The following ZNF133 variants were observed in gnomAD, a reference collection of about 807,000 sequenced individuals.
ZNF133 encodes zinc finger protein 133.
ZNF133 carries 26 observed loss-of-function variants against 54.9 expected under a neutral mutation model. The observed-to-expected ratio is 0.47, with a 90% CI of 0.35 to 0.66. The LOEUF (loss-of-function observed/expected upper bound fraction) is 0.66. ZNF133 is among the 30% of genes least tolerant of loss of function. The pLI is 0.01. For missense variants in ZNF133, 653 were observed against 820.8 expected (o/e 0.80, Z 2.50); for synonymous variants, 298 against 320.3 (o/e 0.93, Z 0.74).
chr20:18,305,775 T>C lies in ZNF133; in HGVS notation c.89T>C (p.Met30Thr). Residue 30 changes from methionine to threonine, a missense_variant, in exon 5 of 7, where the codon ATG becomes ACG. This residue lies in a region of ZNF133 where 227 missense variants were observed against 233.9 expected (regional missense o/e 0.97). Coordinates refer to ENST00000425686, the MANE Select transcript of ZNF133 (RefSeq NM_001352452.2). The surrounding 1 kb of genome is among the most constrained non-coding windows in gnomAD (Gnocchi z 4.7). Reference protein sequence around the residue: ...PAQRTLYREVMLENYSNLVSL... With the variant: ...PAQRTLYREVTLENYSNLVSL... ...CAAAGGACTCTGTACAGAGAGGTGA[T>C]GCTGGAGAACTACAGCAACCTGGTC... 6.2e-7 allele frequency: 1 copy of C among 1,614,032 alleles called. No homozygotes were observed. Among genetic ancestry groups the C allele is most frequent in the Non-Finnish European group, 8.5e-7 (1 of 1,179,946 alleles).
chr20:18,295,997 G>A (rs1433574596), intron 1 of ZNF133, among the ~76,000 whole-genome samples: 1 of 152,062 alleles, frequency 6.6e-6, no homozygotes. Context: ...TTTTTAAGTA[G>A]TTCTATAATT....
chr20:18,314,956 G>C, intron 6 of ZNF133, 113 bp from the exon 7 acceptor site: 1 of 1,033,466 alleles, frequency 9.7e-7, no homozygotes, highest in Non-Finnish European at 1.4e-6. Flanking sequence ...AGGAAGTCCC[G>C]GTTGGATGGC....
At chr20:18,293,938 T>C (rs777636150) in intron 1 of ZNF133, among the ~76,000 whole-genome samples, 2 of 152,190 alleles carry the variant, frequency 1.3e-5, no homozygotes, top group South Asian at 4.1e-4. Flanking sequence ...AAAAAGAACT[T>C]TGTCATTTGG....
rs1166169667 is a variant in ZNF133 at position 18,298,043 on chromosome 20, C to T, written c.-373C>T. On this transcript the variant is annotated 5_prime_UTR_variant, in exon 2 of 7. Transcript: ENST00000425686. The stretch of plus-strand genomic sequence containing the variant: ...AGATAAGGAAAAAAAGCCACAGGGT[C>T]CCGGAGAGCCAGGGGAATGGTGAGT... 1 of 1,535,500 alleles carries T rather than the reference C, an allele frequency of 6.5e-7. No individual in the cohort carries two copies. Among genetic ancestry groups the T allele is most frequent in the South Asian group, 1.2e-5 (1 of 84,044 alleles).
chr20:18,298,034 C>T lies in ZNF133; in HGVS notation c.-382C>T. 1 of 1,535,482 alleles carries T rather than the reference C, an allele frequency of 6.5e-7. No individual in the cohort carries two copies. The highest frequency in any genetic ancestry group is 1.4e-5 in the African/African-American group (1 of 73,136). ...TCTTCAGGGAGATAAGGAAAAAAAG[C>T]CACAGGGTCCCGGAGAGCCAGGGGA... On this transcript the variant is annotated 5_prime_UTR_variant, in exon 2 of 7. Coordinates refer to ENST00000425686, the MANE Select transcript of ZNF133 (RefSeq NM_001352452.2).
chr20:18,292,884 G>T (rs547921454), intron 1 of ZNF133, among the ~76,000 whole-genome samples: 4 of 152,334 alleles, frequency 2.6e-5, no homozygotes, highest in South Asian at 2.1e-4. Flanking sequence ...GGTCTACAGA[G>T]ACTGGCAGGA....
intron 6 of ZNF133, among the ~76,000 whole-genome samples, chr20:18,307,035 A>C (rs928621672): frequency 7.1e-6 from 1 of 141,592 alleles, no homozygotes; most frequent in Non-Finnish European, 1.5e-5. Context: ...AGAGCATTGC[A>C]ATTACACAGT....
In ZNF133 at chr20:18,305,486, T is replaced by C. The variant is rs3752310; in HGVS notation, c.-6-195T>C. Among the ~76,000 whole-genome samples the C allele has an allele frequency of 0.12, 18,263 of 152,120 alleles. 1,206 individuals carry two copies. The highest frequency in any genetic ancestry group is 0.18 in the South Asian group (861 of 4,824). ...ATATACCCTGTGTGGCCCCCCAGGA[T>C]CTTGACTGTATGGGTTCACAAATGC... On this transcript the variant is annotated intron_variant, in intron 4 of 6. Coordinates refer to ENST00000425686, the MANE Select transcript of ZNF133 (RefSeq NM_001352452.2). The surrounding 1 kb of genome is among the most constrained non-coding windows in gnomAD (Gnocchi z 4.7).
intron 1 of ZNF133, among the ~76,000 whole-genome samples, chr20:18,297,665 G>C: frequency 6.6e-6 from 1 of 152,016 alleles, no homozygotes; most frequent in Non-Finnish European, 1.5e-5. Context: ...GATTTCCCTA[G>C]TTCAGGAAAA....
chr20:18,300,200 G>A (rs1245412275), intron 3 of ZNF133, among the ~76,000 whole-genome samples: 6 of 152,202 alleles, frequency 3.9e-5, no homozygotes, highest in Non-Finnish European at 5.9e-5. Context: ...ATGAGTTGGA[G>A]ATGGAGCTGT....
chr20:18,293,862 A>G (rs375215366), intron 1 of ZNF133, among the ~76,000 whole-genome samples: 2 of 152,234 alleles, frequency 1.3e-5, no homozygotes, highest in East Asian at 3.8e-4. Context: ...CTGGATACAA[A>G]TAAATGGGGA....
Position 18,316,703 on chromosome 20 carries a change from A to C in ZNF133, c.1852A>C (p.Lys618Gln). The stretch of plus-strand genomic sequence containing the variant: ...GACGTGTGGGCGGGGCTTCAGCCTC[A>C]AGTCTCACCTCAGCAGACACAGGAA... The part of the protein sequence containing the change: ...CKTCGRGFSL[K>Q]SHLSRHRKTT... Residue 618 changes from lysine (K) to glutamine (Q), a missense_variant, in exon 7 of 7, where the codon AAG becomes CAG. Physicochemically the swap from Lys to Gln is moderately conservative, Grantham distance 53 (BLOSUM62 1). Around this residue, in one of 4 missense-constraint regions of ZNF133, gnomAD observed 129 missense variants for 138.5 expected, o/e 0.93. Coordinates refer to ENST00000425686, the MANE Select transcript of ZNF133 (RefSeq NM_001352452.2). 1 of 1,614,252 alleles carries C rather than the reference A, an allele frequency of 6.2e-7. No homozygotes were observed. The highest frequency in any genetic ancestry group is 8.5e-7 in the Non-Finnish European group (1 of 1,180,048).
At chr20:18,295,470 A>G (rs965315938) in intron 1 of ZNF133, 3 of 152,202 alleles carry the variant, frequency 2.0e-5, no homozygotes, top group African/African-American at 7.2e-5. Flanking sequence ...TCTTAGTTGA[A>G]TATTTATGCT....
chr20:18,305,615 C>T lies in ZNF133; in HGVS notation c.-6-66C>T. ...TGCCTCCCCCAGGGCAGCCTTATCCCTGCCCCTCACCCTGCCATGGGCAAG... is the reference window on the plus strand; with the variant it reads ...TGCCTCCCCCAGGGCAGCCTTATCCTTGCCCCTCACCCTGCCATGGGCAAG... On this transcript the variant is annotated intron_variant, in intron 4 of 6. Coordinates refer to ENST00000425686, the MANE Select transcript of ZNF133 (RefSeq NM_001352452.2). The surrounding 1 kb of genome is among the most constrained non-coding windows in gnomAD (Gnocchi z 4.7). The T allele has an allele frequency of 6.2e-7, 1 of 1,611,800 alleles. No individual in the cohort carries two copies. Among genetic ancestry groups the T allele is most frequent in the Admixed American group, 1.7e-5 (1 of 59,802 alleles).
intron 1 of ZNF133, among the ~76,000 whole-genome samples, chr20:18,291,344 T>A (rs2040941226): frequency 6.6e-6 from 1 of 152,180 alleles, no homozygotes; most frequent in Non-Finnish European, 1.5e-5. Flanking sequence ...TTACCAATGG[T>A]CTCCTTGACT....
At chr20:18,312,309 C>T (rs1211781926) in intron 6 of ZNF133, among the ~76,000 whole-genome samples, 1 of 152,110 alleles carries the variant, frequency 6.6e-6, no homozygotes, top group East Asian at 1.9e-4. Context: ...GGATGCTGAA[C>T]CTATATATTA....
intron 1 of ZNF133, among the ~76,000 whole-genome samples, chr20:18,289,287 G>A (rs556931467): frequency 6.6e-6 from 1 of 152,296 alleles, no homozygotes; most frequent in African/African-American, 2.4e-5. Context: ...CCCAGGGACC[G>A]TCATTGATCG....
At position 18,316,125 on chromosome 20, in the gene ZNF133, T is replaced by C; in HGVS notation, c.1274T>C (p.Leu425Pro). 1 of 1,612,738 alleles carries C rather than the reference T, an allele frequency of 6.2e-7. No individual in the cohort carries two copies. The highest frequency in any genetic ancestry group is 1.3e-5 in the African/African-American group (1 of 74,984). ...CGHSFSQNST[L>P]ISHRRTHTGE... ...CACAGCTTCAGCCAGAATTCAACCC[T>C]CATCTCTCACAGGCGGACACACACT... Residue 425 changes from leucine to proline, a missense_variant, in exon 7 of 7, where the codon CTC becomes CCC. Leu to Pro is a moderately conservative substitution (Grantham distance 98). Coordinates refer to ENST00000425686, the MANE Select transcript of ZNF133 (RefSeq NM_001352452.2).
At position 18,315,956 on chromosome 20, in the gene ZNF133, C is replaced by T. The variant is rs1464154530; in HGVS notation, c.1105C>T (p.Leu369Phe). The change falls in exon 7 of 7, where the codon CTC (leucine) becomes TTC (phenylalanine). Residue 369 changes from leucine (L) to phenylalanine (F), a missense_variant. Coordinates refer to ENST00000425686, the MANE Select transcript of ZNF133 (RefSeq NM_001352452.2). Reference protein sequence around the residue: ...CGLGFSDRSNLISHQRTHSGE... With the variant: ...CGLGFSDRSNFISHQRTHSGE... ...CCTGGGCTTCAGCGACAGGTCAAACCTCATCTCCCACCAGAGGACGCACTC... is the reference window on the plus strand; with the variant it reads ...CCTGGGCTTCAGCGACAGGTCAAACTTCATCTCCCACCAGAGGACGCACTC... The T allele has an allele frequency of 8.7e-6, 14 of 1,614,142 alleles. No individual in the cohort carries two copies. The East Asian group carries it at 2.9e-4, about 33-fold the overall frequency.
Sources: allele counts gnomAD v4.1 joint callset (sites outside exome capture counted in the v4.1 genomes callset), GRCh38; gene constraint gnomAD v4.1.1; regional missense constraint gnomAD v4.1.1; non-coding constraint Gnocchi (gnomAD v3.1); transcripts MANE v1.5; gene names NCBI Gene and HGNC (gene_info 2026-07-23, HGNC 2026-07-21).